The following LRBA variants were observed in gnomAD, a reference collection of about 807,000 sequenced individuals.
The protein encoded by LRBA is LPS responsive beige-like anchor protein.
LRBA carries 176 observed loss-of-function variants against 330.0 expected under a neutral mutation model. The ratio of observed to expected loss-of-function variants is 0.53; its 90% confidence interval spans 0.47 to 0.60. The LOEUF is 0.60. Among genes scored for constraint, LRBA ranks in the 20% least tolerant of loss-of-function variants. The probability of loss-of-function intolerance (pLI) is 0.00; values close to 1 mark genes in which losing one functional copy is unlikely to be tolerated. For synonymous variants in LRBA, 1,230 were observed against 1,193.0 expected (o/e 1.03, Z -0.64); for missense variants, 3,259 against 3,444.8 (o/e 0.95, Z 1.35).
intron 53 of LRBA, among the ~76,000 whole-genome samples, chr4:150,297,300 CT>C (rs1472775753): frequency 6.6e-6 from 1 of 152,030 alleles, no homozygotes; most frequent in East Asian, 1.9e-4. Context: ...AATATAATTC[CT>C]TTTTACCACA....
intron 36 of LRBA, among the ~76,000 whole-genome samples, chr4:150,710,860 G>GTCT (rs1360800043): frequency 6.6e-6 from 1 of 151,576 alleles, no homozygotes; most frequent in Non-Finnish European, 1.5e-5. Flanking sequence ...TACACTTTAC[G>GTCT]TCTCTGCTTG....
At chr4:150,442,894 G>A (rs867293842) in intron 44 of LRBA, among the ~76,000 whole-genome samples, 3 of 152,086 alleles carry the variant, frequency 2.0e-5, no homozygotes, top group Admixed American at 6.6e-5. Flanking sequence ...TCTTGATTAG[G>A]GAATAATGAT....
At chr4:150,657,581 T>C (rs555709596) in intron 37 of LRBA, among the ~76,000 whole-genome samples, 65 of 152,142 alleles carry the variant, frequency 4.3e-4, no homozygotes, top group Non-Finnish European at 7.2e-4. Flanking sequence ...TGTATTTATA[T>C]ATAAAGTTTT....
intron 22 of LRBA, among the ~76,000 whole-genome samples, chr4:150,855,687 T>C (rs1458602506): frequency 6.6e-6 from 1 of 152,144 alleles, no homozygotes; most frequent in African/African-American, 2.4e-5. Flanking sequence ...AAAATCACTA[T>C]CCTGGTATTT....
chr4:150,842,529 G>GA (rs1253018247), intron 28 of LRBA, among the ~76,000 whole-genome samples: 3 of 152,006 alleles, frequency 2.0e-5, no homozygotes, highest in Non-Finnish European at 2.9e-5. Flanking sequence ...CTGCCCAATG[G>GA]AAAAAAAGTG....
intron 30 of LRBA, among the ~76,000 whole-genome samples, chr4:150,820,794 A>C (rs1256765946): frequency 6.6e-6 from 1 of 152,078 alleles, no homozygotes; most frequent in East Asian, 1.9e-4. Context: ...TAAAAGACTA[A>C]AATCTTCAAC....
chr4:150,339,702 G>A (rs1180055671), intron 48 of LRBA, among the ~76,000 whole-genome samples: 1 of 151,858 alleles, frequency 6.6e-6, no homozygotes, highest in Non-Finnish European at 1.5e-5. Context: ...ATTATTCACT[G>A]TAATATGGCA....
chr4:150,920,775 A>C (rs1733167588), intron 5 of LRBA, among the ~76,000 whole-genome samples: 1 of 152,210 alleles, frequency 6.6e-6, no homozygotes, highest in Non-Finnish European at 1.5e-5. Flanking sequence ...CAAGTCAAGG[A>C]AAACTTGCGT....
At position 151,003,045 on chromosome 4, in the gene LRBA, CGTGTGT is replaced by C. The variant is rs35823392; in HGVS notation, c.216+11376_216+11381del. On this transcript the variant is annotated intron_variant, in intron 2 of 56. Coordinates refer to ENST00000651943, the MANE Select transcript of LRBA (RefSeq NM_001364905.1). Reference sequence around the variant, plus strand: ...AAATATGTGTGTGTGTATGTGTTTGCGTGTGTGTGTGTGTGTGTGTGTGTGTGTACC... The same window carrying C: ...AAATATGTGTGTGTGTATGTGTTTGCGTGTGTGTGTGTGTGTGTGTGTACC... Among the ~76,000 whole-genome samples, 897 of 147,270 alleles carry C rather than the reference CGTGTGT, an allele frequency of 6.1e-3. 7 individuals carry two copies. Among genetic ancestry groups the C allele is most frequent in the South Asian group, 0.016 (73 of 4,622 alleles).
chr4:150,379,303 C>CAAAAAAAAAAAA (rs10634420), intron 47 of LRBA, among the ~76,000 whole-genome samples: 1 of 59,882 alleles, frequency 1.7e-5, no homozygotes, highest in African/African-American at 7.2e-5. Context: ...AACTCTAGCT[C>CAAAAAAAAAAAA]AAAAAAAAAA....
intron 34 of LRBA, among the ~76,000 whole-genome samples, chr4:150,780,621 AT>A (rs1738032496): frequency 6.9e-6 from 1 of 144,536 alleles, no homozygotes; most frequent in Admixed American, 7.1e-5. Flanking sequence ...ATATATACAT[AT>A]ATATACACGT....
At chr4:150,357,743 C>T (rs1450248817) in intron 47 of LRBA, among the ~76,000 whole-genome samples, 1 of 151,216 alleles carries the variant, frequency 6.6e-6, no homozygotes, top group African/African-American at 2.4e-5. Context: ...ATTTTGCAAG[C>T]CTTTGCTCAG....
At chr4:150,507,173 A>G (rs1410746035) in intron 40 of LRBA, among the ~76,000 whole-genome samples, 1 of 151,668 alleles carries the variant, frequency 6.6e-6, no homozygotes, top group Non-Finnish European at 1.5e-5. Flanking sequence ...TATAGATTCA[A>G]TGCCATCCCC....
At chr4:150,745,579 G>T (rs542931888) in intron 35 of LRBA, among the ~76,000 whole-genome samples, 1 of 151,978 alleles carries the variant, frequency 6.6e-6, no homozygotes, top group South Asian at 2.1e-4. Flanking sequence ...GCAGTGGCAC[G>T]ATCTCAGCTC....
chr4:150,412,735 A>C (rs1235912306), intron 47 of LRBA, among the ~76,000 whole-genome samples: 6 of 152,044 alleles, frequency 3.9e-5, no homozygotes, highest in African/African-American at 1.4e-4. Context: ...CTTGAGACTT[A>C]AAATTTCAAG....
chr4:151,001,907 C>T (rs1308049183), intron 2 of LRBA, among the ~76,000 whole-genome samples: 1 of 152,032 alleles, frequency 6.6e-6, no homozygotes, highest in Non-Finnish European at 1.5e-5. Flanking sequence ...AACATGGCAC[C>T]TCAGTCCCCA....
At chr4:150,918,252 T>C (rs928400075) in intron 5 of LRBA, among the ~76,000 whole-genome samples, 1 of 152,196 alleles carries the variant, frequency 6.6e-6, no homozygotes, top group Non-Finnish European at 1.5e-5. Context: ...TATAAAGTAC[T>C]CTTATAACTC....
chr4:150,685,420 A>ATTTTTTT (rs70941424), intron 36 of LRBA, among the ~76,000 whole-genome samples: 3 of 17,440 alleles, frequency 1.7e-4, no homozygotes, highest in East Asian at 3.4e-3. Flanking sequence ...ATATATATAT[A>ATTTTTTT]TTTTTTTTTT....
chr4:150,968,029 G>A (rs1739103084), intron 2 of LRBA, among the ~76,000 whole-genome samples: 3 of 137,076 alleles, frequency 2.2e-5, no homozygotes, highest in Non-Finnish European at 4.6e-5. Context: ...TTTTGAGACA[G>A]AGTCTCACTC....
Sources: gnomAD v4.1 joint callset for allele counts (sites outside exome capture counted in the v4.1 genomes callset) on GRCh38, gnomAD v4.1.1 for gene constraint, MANE v1.5 for transcripts, NCBI Gene and HGNC (gene_info 2026-07-23, HGNC 2026-07-21) for gene names.